Variants in BPTF observed in about 807,000 individuals in gnomAD.
The protein encoded by BPTF is nucleosome-remodeling factor subunit BPTF.
A neutral mutation model predicts 292.5 loss-of-function variants in BPTF; 18 were observed. The observed-to-expected ratio is 0.06, with a 90% CI of 0.04 to 0.09. The LOEUF is 0.09. Among genes scored for constraint, BPTF ranks in the 10% least tolerant of loss-of-function variants. The pLI, the probability that BPTF is intolerant of heterozygous loss-of-function variation, is 1.00. For synonymous variants in BPTF, 1,225 were observed against 1,251.9 expected (o/e 0.98, Z 0.45); for missense variants, 2,726 against 3,498.7 (o/e 0.78, Z 5.57).
In BPTF at chr17:67,920,081, T is replaced by G; in HGVS notation, c.5495T>G (p.Ile1832Ser). Residue 1832 changes from isoleucine to serine, a missense_variant, in exon 13 of 28, where the codon ATT becomes AGT. Physicochemically the swap from Ile to Ser is moderately radical, Grantham distance 142 (BLOSUM62 -2). This residue lies in a region of BPTF where 198 missense variants were observed against 277.1 expected (regional missense o/e 0.71). Transcript: ENST00000306378. ...IKRRDVGPYG[I>S]RSEYCIRKII... Reference sequence around the variant, plus strand: ...AGGAGAGATGTTGGTCCTTATGGCATTCGATCTGAATATTGTATCAGGAAA... The same window carrying G: ...AGGAGAGATGTTGGTCCTTATGGCAGTCGATCTGAATATTGTATCAGGAAA... The G allele has an allele frequency of 6.2e-7, 1 of 1,612,058 alleles. No individual in the cohort carries two copies. Among genetic ancestry groups the G allele is most frequent in the African/African-American group, 1.3e-5 (1 of 74,996 alleles).
intron 1 of BPTF, among the ~76,000 whole-genome samples, chr17:67,848,046 G>T (rs1452895525): frequency 6.6e-6 from 1 of 152,166 alleles, no homozygotes; most frequent in Non-Finnish European, 1.5e-5. Flanking sequence ...AATACCGAGT[G>T]AGGCCACTTT....
chr17:67,945,989 G>T lies in BPTF; in HGVS notation c.7281G>T (p.Gln2427His), dbSNP rs201856983. Reference protein sequence around the residue: ...SPSRPQLQIQQPQPQVIAVPQ... With the variant: ...SPSRPQLQIQHPQPQVIAVPQ... ...CCCGTCCTCAGCTACAAATACAGCA[G>T]CCACAGCCCCAAGTCATTGCTGTGC... Residue 2427 changes from glutamine (Q) to histidine (H), a missense_variant, in exon 21 of 28, where the codon CAG becomes CAT. Transcript: ENST00000306378. The T allele has an allele frequency of 6.2e-7, 1 of 1,614,144 alleles. No homozygotes were observed. Among genetic ancestry groups the T allele is most frequent in the African/African-American group, 1.3e-5 (1 of 75,012 alleles).
At chr17:67,898,349 A>G (rs1345671828) in intron 7 of BPTF, among the ~76,000 whole-genome samples, 1 of 152,240 alleles carries the variant, frequency 6.6e-6, no homozygotes, top group African/African-American at 2.4e-5. Context: ...CAACAGAGCA[A>G]GATGCTGTCT....
chr17:67,850,805 G>A (rs575919112), intron 1 of BPTF, among the ~76,000 whole-genome samples: 1 of 152,252 alleles, frequency 6.6e-6, no homozygotes, highest in African/African-American at 2.4e-5. Flanking sequence ...GTTGTTTTCA[G>A]CTTGGTTGAT....
intron 1 of BPTF, among the ~76,000 whole-genome samples, chr17:67,852,303 G>A (rs765459740): frequency 1.4e-4 from 21 of 151,468 alleles, no homozygotes; most frequent in African/African-American, 2.4e-4. Context: ...ATTTTATAAC[G>A]AAAATACATG....
intron 9 of BPTF, among the ~76,000 whole-genome samples, chr17:67,907,233 G>A (rs2062273416): frequency 6.9e-6 from 1 of 145,514 alleles, no homozygotes. Flanking sequence ...CATCTAGACA[G>A]TAGTTCTGTT....
chr17:67,920,709 G>T (rs144638228), intron 13 of BPTF, among the ~76,000 whole-genome samples: 1 of 152,142 alleles, frequency 6.6e-6, no homozygotes, highest in African/African-American at 2.4e-5. Flanking sequence ...AGTGTTATAT[G>T]TGTTGCAGTA....
chr17:67,874,889 A>G lies in BPTF; in HGVS notation c.1733A>G (p.Lys578Arg), dbSNP rs1273368782. The G allele has an allele frequency of 1.2e-6, 2 of 1,613,882 alleles. No homozygotes were observed. ...DNVKSPEETE[K>R]DKNETENDSK... ...GTTAAAAGCCCAGAAGAAACAGAAA[A>G]AGACAAGAATGAGACTGAGAATGAC... is the stretch of plus-strand genomic sequence containing the variant. The change falls in exon 4 of 28, where the codon AAA (lysine) becomes AGA (arginine). Residue 578 changes from lysine to arginine, a missense_variant. By Grantham distance (26) the Lys-to-Arg change is conservative. Around this residue, in one of 22 missense-constraint regions of BPTF, gnomAD observed 187 missense variants for 201.5 expected, o/e 0.93. Transcript: ENST00000306378.
chr17:67,946,233 G>T lies in BPTF; in HGVS notation c.7525G>T (p.Asp2509Tyr). The change falls in exon 21 of 28, where the codon GAT becomes TAT. Residue 2509 changes from aspartate (D) to tyrosine (Y), a missense_variant. This residue lies in a region of BPTF where 570 missense variants were observed against 633.5 expected (regional missense o/e 0.90). Coordinates refer to ENST00000306378, the MANE Select transcript of BPTF (RefSeq NM_182641.4). ...EQLQRVQQLRDQQQKKKQQQI... is the reference protein window; with the variant it reads ...EQLQRVQQLRYQQQKKKQQQI... ...GTTGCAAAGGGTTCAGCAACTCAGG[G>T]ATCAGCAGCAAAAGAAGAAACAGCA... is the stretch of plus-strand genomic sequence containing the variant. 1 of 1,614,202 alleles carries T rather than the reference G, an allele frequency of 6.2e-7. No individual in the cohort carries two copies. Among genetic ancestry groups the T allele is most frequent in the Non-Finnish European group, 8.5e-7 (1 of 1,180,040 alleles).
At chr17:67,975,610 C>A in intron 26 of BPTF, 162 bp from the exon 27 acceptor site, 1 of 538,640 alleles carries the variant, frequency 1.9e-6, no homozygotes. Flanking sequence ...TGGAAAAGTA[C>A]TCTTTTGTTC....
chr17:67,920,210 G>A, intron 13 of BPTF, 67 bp downstream of exon 13: 7 of 1,522,008 alleles, frequency 4.6e-6, no homozygotes, highest in East Asian at 2.3e-5. Context: ...ATTGAAATTT[G>A]ATATAATTTT....
intron 25 of BPTF, among the ~76,000 whole-genome samples, chr17:67,964,738 T>C (rs59956089): frequency 0.2 from 31,125 of 152,068 alleles, 4,330 homozygotes; most frequent in East Asian, 0.73. Context: ...TGGTGGCTCA[T>C]GCCTGTAATC....
At chr17:67,932,066 T>G (rs1227623430) in intron 18 of BPTF, 47 bp downstream of exon 18, 1 of 1,490,084 alleles carries the variant, frequency 6.7e-7, no homozygotes, top group Non-Finnish European at 9.3e-7. Context: ...ACAGCCAGTC[T>G]AGGAAATACG....
In BPTF at chr17:67,982,120, T is replaced by C. The variant is rs782755462; in HGVS notation, c.8727-132T>C. 1.2e-5 allele frequency: 10 copies of C among 817,594 alleles called. No individual in the cohort carries two copies. The African/African-American group carries it at 1.5e-4, about 12-fold the overall frequency. 50.6% of individuals were successfully genotyped at this position (817,594 alleles called of 1,614,324 possible). A position where few individuals can be genotyped will look rare whatever the true frequency, so the allele number is the denominator to read the frequency against. On this transcript the variant is annotated intron_variant, in intron 27 of 27. Coordinates refer to ENST00000306378, the MANE Select transcript of BPTF (RefSeq NM_182641.4). Reference sequence around the variant, plus strand: ...AAATTTTCTTAATCGTTCTTTTCTATTCGCTTGCCAAGGGTGAATGAAAGA... The same window carrying C: ...AAATTTTCTTAATCGTTCTTTTCTACTCGCTTGCCAAGGGTGAATGAAAGA...
intron 1 of BPTF, among the ~76,000 whole-genome samples, chr17:67,842,455 A>C (rs1311802036): frequency 6.6e-6 from 1 of 152,104 alleles, no homozygotes; most frequent in African/African-American, 2.4e-5. Context: ...AATATCAATG[A>C]CTTCTAGATC....
rs372829722 is a variant in BPTF, at chr17:67,854,607, C to A, written c.1281C>A (p.Asp427Glu). Residue 427 changes from aspartate to glutamate, a missense_variant, in exon 2 of 28, where the codon GAC becomes GAA. Physicochemically the swap from Asp to Glu is conservative, Grantham distance 45 (BLOSUM62 2). Around this residue, in one of 22 missense-constraint regions of BPTF, gnomAD observed 22 missense variants for 97.3 expected, o/e 0.23. Coordinates refer to ENST00000306378, the MANE Select transcript of BPTF (RefSeq NM_182641.4). The surrounding 1 kb of genome is among the most constrained non-coding windows in gnomAD (Gnocchi z 5.6). ...CACCTCTTGAGGAGGTGCCAGAGGA[C>A]GAGTGGCAGTGTGAAGTCTGTGTAG... The part of the protein sequence containing the change: ...VKPPLEEVPE[D>E]EWQCEVCVAH... 2.5e-6 allele frequency: 4 copies of A among 1,614,128 alleles called. No homozygotes were observed. The highest frequency in any genetic ancestry group is 1.7e-5 in the Admixed American group (1 of 60,010).
intron 1 of BPTF, among the ~76,000 whole-genome samples, chr17:67,849,656 G>A (rs550715144): frequency 2.6e-5 from 4 of 152,176 alleles, no homozygotes; most frequent in African/African-American, 4.8e-5. Flanking sequence ...GCAAGTTCTC[G>A]GCTGGGCGTG....
In BPTF at chr17:67,949,027, G is replaced by A. The variant is rs193023154; in HGVS notation, c.7926+721G>A. On this transcript the variant is annotated intron_variant, in intron 23 of 27. Coordinates refer to ENST00000306378, the MANE Select transcript of BPTF (RefSeq NM_182641.4). ...AAAATTTCTTCCTTGACTTGTAAAC[G>A]ATTCTGTAGGTATTGCTAACCTGCT... Among the ~76,000 whole-genome samples the A allele has an allele frequency of 5.6e-4, 85 of 152,184 alleles. No homozygotes were observed. The East Asian group carries it at 6.0e-3, about 11-fold the overall frequency.
chr17:67,875,682 C>T (rs913469858), intron 4 of BPTF: 1 of 1,607,044 alleles, frequency 6.2e-7, no homozygotes, highest in African/African-American at 1.3e-5. Flanking sequence ...CTCTCAGAAA[C>T]CCCCGATAGC....
Sources: gnomAD v4.1 joint callset for allele counts (sites outside exome capture counted in the v4.1 genomes callset) on GRCh38, gnomAD v4.1.1 for gene constraint, gnomAD v4.1.1 regional missense constraint, Gnocchi (gnomAD v3.1) non-coding constraint, MANE v1.5 for transcripts, NCBI Gene and HGNC (gene_info 2026-07-23, HGNC 2026-07-21) for gene names.